The following IL20RB variants were observed in gnomAD, a reference collection of about 807,000 sequenced individuals.
IL20RB encodes the protein interleukin-20 receptor subunit beta.
In IL20RB, 21 loss-of-function variants were observed where a neutral mutation model predicts 33.3. The ratio of observed to expected loss-of-function variants is 0.63; its 90% CI spans 0.45 to 0.91. The LOEUF (loss-of-function observed/expected upper bound fraction) is 0.91, where lower values mean the gene tolerates loss of function less well. IL20RB is among the 40% of genes least tolerant of loss of function. IL20RB has a pLI of 0.00. For missense variants in IL20RB, 345 were observed against 384.8 expected (o/e 0.90, Z 0.86); for synonymous variants, 147 against 146.8 (o/e 1.00, Z -0.01).
intron 6 of IL20RB, among the ~76,000 whole-genome samples, chr3:137,008,678 C>T (rs566776024): frequency 1.1e-4 from 17 of 151,784 alleles, no homozygotes; most frequent in African/African-American, 2.7e-4. Context: ...AAATGTGGCT[C>T]GTCCAAATTG....
rs146028748 is a variant in IL20RB at position 137,010,489 on chromosome 3, C to T, written c.*266C>T. The T allele has an allele frequency of 2.7e-4, 102 of 373,388 alleles. No homozygotes were observed. Among genetic ancestry groups the T allele is most frequent in the Non-Finnish European group, 3.9e-4 (81 of 205,112 alleles). The allele number at this position is 373,388 out of a possible 1,614,324, so 23.1% of individuals were successfully genotyped here. A position where few individuals can be genotyped will look rare whatever the true frequency, so the allele number is the denominator to read the frequency against. ...CCTGGGAAAAGTGACTTCATCCCTTCGGTCCTAAGTTTTCTCATCTGTAAT... is the reference window on the plus strand; with the variant it reads ...CCTGGGAAAAGTGACTTCATCCCTTTGGTCCTAAGTTTTCTCATCTGTAAT... On this transcript the variant is annotated 3_prime_UTR_variant, in exon 7 of 7. Coordinates refer to ENST00000329582, the MANE Select transcript of IL20RB (RefSeq NM_144717.4).
chr3:136,982,291 C>G lies in IL20RB; in HGVS notation c.347C>G (p.Thr116Arg). Residue 116 changes from threonine to arginine, a missense_variant, in exon 3 of 7, where the codon ACA becomes AGA. Physicochemically the swap from Thr to Arg is moderately conservative, Grantham distance 71 (BLOSUM62 -1). Transcript: ENST00000329582. ...CCATACAACCTTCGTGTCAGGGCCA[C>G]ATTGGGCTCACAGACCTCAGCCTGG... is the stretch of plus-strand genomic sequence containing the variant. The part of the protein sequence containing the change: ...TVPYNLRVRA[T>R]LGSQTSAWSI... 2 of 1,610,390 alleles carry G rather than the reference C, an allele frequency of 1.2e-6. No homozygotes were observed. The highest frequency in any genetic ancestry group is 1.7e-6 in the Non-Finnish European group (2 of 1,177,130).
intron 6 of IL20RB, among the ~76,000 whole-genome samples, chr3:137,001,958 T>A (rs1288071598): frequency 6.6e-6 from 1 of 152,164 alleles, no homozygotes; most frequent in Admixed American, 6.5e-5. Context: ...CGGTGTGTGA[T>A]GTTCCCTGCA....
intron 1 of IL20RB, among the ~76,000 whole-genome samples, chr3:136,970,114 C>T (rs1218498510): frequency 1.3e-5 from 2 of 150,042 alleles, no homozygotes; most frequent in Non-Finnish European, 3.0e-5. Context: ...TTTTTTTAGA[C>T]AGGGTCACAC....
chr3:136,996,148 C>T (rs1942122340), intron 6 of IL20RB, among the ~76,000 whole-genome samples: 1 of 152,056 alleles, frequency 6.6e-6, no homozygotes, highest in Non-Finnish European at 1.5e-5. Context: ...GAATTCTTAT[C>T]TTACTCCTGA....
chr3:136,989,007 A>C (rs1941972764), intron 3 of IL20RB, among the ~76,000 whole-genome samples: 1 of 152,180 alleles, frequency 6.6e-6, no homozygotes, highest in Non-Finnish European at 1.5e-5. Flanking sequence ...GCATTAAAAT[A>C]TAGCATCTGC....
chr3:136,984,135 G>C (rs190867429), intron 3 of IL20RB, among the ~76,000 whole-genome samples: 1 of 152,182 alleles, frequency 6.6e-6, no homozygotes, highest in Non-Finnish European at 1.5e-5. Flanking sequence ...CATCGCACAG[G>C]GCCATCACAA....
intron 1 of IL20RB, chr3:136,980,187 G>A (rs1457338727): frequency 4.5e-6 from 2 of 444,770 alleles, no homozygotes; most frequent in South Asian, 2.4e-5. Flanking sequence ...ATATTGATAT[G>A]TCATTTATCA....
chr3:136,998,085 T>C (rs1297339511), intron 6 of IL20RB, among the ~76,000 whole-genome samples: 7 of 151,564 alleles, frequency 4.6e-5, no homozygotes, highest in Non-Finnish European at 1.0e-4. Context: ...TAACATTTAA[T>C]ATAATGATTG....
chr3:136,994,269 A>T (rs1052485126), intron 5 of IL20RB, among the ~76,000 whole-genome samples: 1 of 152,192 alleles, frequency 6.6e-6, no homozygotes, highest in Non-Finnish European at 1.5e-5. Context: ...AACATAACTT[A>T]AAGAGTGTAA....
intron 1 of IL20RB, among the ~76,000 whole-genome samples, chr3:136,958,683 T>C (rs1941112010): frequency 6.6e-6 from 1 of 152,228 alleles, no homozygotes; most frequent in African/African-American, 2.4e-5. Context: ...AGGTACTCCA[T>C]AGCATTCTAA....
chr3:136,999,532 G>A (rs909379930), intron 6 of IL20RB, among the ~76,000 whole-genome samples: 2 of 150,642 alleles, frequency 1.3e-5, no homozygotes, highest in Non-Finnish European at 2.9e-5. Flanking sequence ...ATGAGCCACT[G>A]CTCCCAGCCC....
intron 3 of IL20RB, among the ~76,000 whole-genome samples, chr3:136,987,125 G>A (rs990342599): frequency 2.0e-5 from 3 of 150,612 alleles, no homozygotes; most frequent in South Asian, 2.1e-4. Context: ...AAGGGGACCC[G>A]AGCGGGTTGC....
At chr3:136,990,238 A>C (rs1448170859) in intron 4 of IL20RB, among the ~76,000 whole-genome samples, 6 of 152,094 alleles carry the variant, frequency 3.9e-5, no homozygotes, top group Admixed American at 6.6e-5. Flanking sequence ...CTGTCCAAGC[A>C]TATGATGACA....
chr3:136,989,617 A>G, intron 4 of IL20RB, 52 bp downstream of exon 4: 1 of 1,605,690 alleles, frequency 6.2e-7, no homozygotes, highest in African/African-American at 1.3e-5. Flanking sequence ...GAAGGCACAG[A>G]TTTCTGAGGG....
chr3:136,992,215 T>C lies in IL20RB; in HGVS notation c.682+127T>C, dbSNP rs1189165566. 1.7e-5 allele frequency: 17 copies of C among 986,230 alleles called. No individual in the cohort carries two copies. The Admixed American group carries it at 3.4e-4, about 20-fold the overall frequency. 61.1% of individuals were successfully genotyped at this position (986,230 alleles called of 1,614,324 possible). The stretch of plus-strand genomic sequence containing the variant: ...GATTTCACTGACCTCCCTCATGGAC[T>C]GGGTGGGTTCCCATAGTGAAATTAT... On this transcript the variant is annotated intron_variant, in intron 5 of 6. Transcript: ENST00000329582.
intron 5 of IL20RB, among the ~76,000 whole-genome samples, chr3:136,992,291 G>A (rs770279652): frequency 5.3e-5 from 8 of 152,236 alleles, no homozygotes; most frequent in Non-Finnish European, 8.8e-5. Flanking sequence ...GGGGCTGGGT[G>A]GGGTTACGAG....
At position 137,010,159 on chromosome 3, in the gene IL20RB, A is replaced by T; in HGVS notation, c.872A>T (p.Glu291Val). 1 of 1,609,594 alleles carries T rather than the reference A, an allele frequency of 6.2e-7. No individual in the cohort carries two copies. The highest frequency in any genetic ancestry group is 2.2e-5 in the East Asian group (1 of 44,854). ...AAGTTAATCAGCTGCAGAAGGGAGG[A>T]GGTGGATGCCTGTGCCACGGCTGTG... The part of the protein sequence containing the change: ...PQKLISCRRE[E>V]VDACATAVMS... The change falls in exon 7 of 7, where the codon GAG becomes GTG. Residue 291 changes from glutamate (E) to valine (V), a missense_variant. Glu to Val is a moderately radical substitution (Grantham distance 121). Coordinates refer to ENST00000329582, the MANE Select transcript of IL20RB (RefSeq NM_144717.4).
chr3:136,981,131 T>G (rs1941762502), intron 2 of IL20RB, among the ~76,000 whole-genome samples: 1 of 152,198 alleles, frequency 6.6e-6, no homozygotes, highest in South Asian at 2.1e-4. Context: ...GTAGACATTC[T>G]TCTAGGCTCA....
Sources: gnomAD v4.1 joint callset for allele counts (sites outside exome capture counted in the v4.1 genomes callset) on GRCh38, gnomAD v4.1.1 for gene constraint, MANE v1.5 for transcripts, NCBI Gene and HGNC (gene_info 2026-07-23, HGNC 2026-07-21) for gene names.